The following RTL4 variants were observed in gnomAD, a reference collection of about 807,000 sequenced individuals.
RTL4 encodes the protein retrotransposon Gag-like protein 4.
In RTL4, 4 loss-of-function variants were observed where a neutral mutation model predicts 5.3. The observed-to-expected ratio is 0.75, with a 90% CI of 0.37 to 1.72. The LOEUF (loss-of-function observed/expected upper bound fraction) is 1.72, where lower values mean the gene tolerates loss of function less well. Ranked by LOEUF, RTL4 falls within the 40% of genes most tolerant of loss-of-function variation. RTL4 has a pLI of 0.04. For missense variants in RTL4, 260 were observed against 227.1 expected (o/e 1.14, Z -0.93); for synonymous variants, 98 against 87.3 (o/e 1.12, Z -0.68).
the RTL4 span, among the ~76,000 whole-genome samples, chrX:112,419,628 A>ATATGTATATGTATATATATATTTACATAT: frequency 2.2e-4 from 2 of 9,213 alleles, no homozygotes; most frequent in African/African-American, 3.3e-4. Flanking sequence ...TATATATTTA[A>ATATGTATATGTATATATATATTTACATAT]GTATGTAAAT....
At chrX:112,212,183 T>C in the RTL4 span, among the ~76,000 whole-genome samples, 2 of 111,603 alleles carry the variant, frequency 1.8e-5, no homozygotes, top group Non-Finnish European at 3.8e-5. Flanking sequence ...AAGACCATCC[T>C]GGCGAACACG....
the RTL4 span, among the ~76,000 whole-genome samples, chrX:112,330,462 C>A: frequency 9.1e-6 from 1 of 110,092 alleles, no homozygotes; most frequent in African/African-American, 3.3e-5. Context: ...ATGTGAAGGA[C>A]CTCTTCAGGG....
the RTL4 span, among the ~76,000 whole-genome samples, chrX:112,182,950 G>C: frequency 4.5e-5 from 5 of 112,232 alleles, no homozygotes; most frequent in African/African-American, 1.3e-4. Context: ...AAGCCCATCA[G>C]ACTAACAGCG....
chrX:112,292,392 C>A, the RTL4 span, among the ~76,000 whole-genome samples: 7 of 111,887 alleles, frequency 6.3e-5, no homozygotes, highest in Non-Finnish European at 1.1e-4. Context: ...CGCTTCTCAT[C>A]AAATTAAGAG....
At chrX:112,378,588 C>T in the RTL4 span, among the ~76,000 whole-genome samples, 114 of 111,705 alleles carry the variant, frequency 1.0e-3, no homozygotes, top group East Asian at 0.014. Flanking sequence ...TTTTGAATCA[C>T]ATATTAAAGC....
the RTL4 span, among the ~76,000 whole-genome samples, chrX:112,251,122 G>T: frequency 1.8e-5 from 2 of 111,756 alleles, no homozygotes; most frequent in African/African-American, 6.5e-5. Context: ...CTTCATTTGG[G>T]GATGCTCCCT....
chrX:112,184,192 G>A, the RTL4 span, among the ~76,000 whole-genome samples: 3 of 90,046 alleles, frequency 3.3e-5, no homozygotes, highest in Non-Finnish European at 6.6e-5. Flanking sequence ...TCACACACCA[G>A]GGCCTGTTAT....
chrX:112,252,124 T>C, the RTL4 span, among the ~76,000 whole-genome samples: 1 of 112,067 alleles, frequency 8.9e-6, no homozygotes, highest in Non-Finnish European at 1.9e-5. Context: ...CTCAGTGAAA[T>C]TAAATCAATC....
chrX:112,241,761 G>C, the RTL4 span, among the ~76,000 whole-genome samples: 2 of 111,856 alleles, frequency 1.8e-5, no homozygotes, highest in Non-Finnish European at 3.8e-5. Context: ...CAGTCATGAA[G>C]TCCTTGCCCA....
chrX:112,444,427 G>A, the RTL4 span, among the ~76,000 whole-genome samples: 1 of 111,470 alleles, frequency 9.0e-6, no homozygotes, highest in African/African-American at 3.3e-5. Context: ...GCTATTCTGG[G>A]TCTTTTGTGG....
At chrX:112,441,100 T>C in the RTL4 span, among the ~76,000 whole-genome samples, 1 of 111,637 alleles carries the variant, frequency 9.0e-6, no homozygotes, top group Admixed American at 9.6e-5. Context: ...AACCAGAATT[T>C]ATCTGGTGCA....
the RTL4 span, among the ~76,000 whole-genome samples, chrX:112,196,024 C>T: frequency 5.4e-5 from 6 of 111,403 alleles, no homozygotes; most frequent in African/African-American, 9.8e-5. Context: ...TAACATCTTG[C>T]AGTCTATTGT....
At chrX:112,152,345 A>C in the RTL4 span, among the ~76,000 whole-genome samples, 1 of 112,103 alleles carries the variant, frequency 8.9e-6, no homozygotes, top group Non-Finnish European at 1.9e-5. Context: ...GTGGACTTTG[A>C]AAAGCATTTC....
At chrX:112,283,980 C>T in the RTL4 span, among the ~76,000 whole-genome samples, 81 of 109,581 alleles carry the variant, frequency 7.4e-4, no homozygotes, top group African/African-American at 2.4e-3. Context: ...GAAATAATGC[C>T]ATATTTTGTT....
exon 1 of RTL4, chrX:112,455,742 A>T: frequency 1.1e-6 from 1 of 934,205 alleles, no homozygotes; most frequent in Non-Finnish European, 1.5e-6. Context: ...TAAAATACAG[A>T]TGGGGAACTG....
At chrX:112,446,817 C>A in the RTL4 span, among the ~76,000 whole-genome samples, 15 of 111,594 alleles carry the variant, frequency 1.3e-4, no homozygotes, top group African/African-American at 4.9e-4. Flanking sequence ...CATTGCACTT[C>A]ACCTAGGCAA....
At chrX:112,380,490 A>G in the RTL4 span, among the ~76,000 whole-genome samples, 2 of 111,804 alleles carry the variant, frequency 1.8e-5, no homozygotes. Context: ...AAAGAGTAGT[A>G]TTTCATTATA....
At chrX:112,291,781 G>A in the RTL4 span, among the ~76,000 whole-genome samples, 24 of 110,556 alleles carry the variant, frequency 2.2e-4, no homozygotes, top group Non-Finnish European at 4.0e-4. Context: ...ATTTTTAGTA[G>A]AGACGGGGTT....
the RTL4 span, among the ~76,000 whole-genome samples, chrX:112,086,716 A>T: frequency 8.9e-6 from 1 of 112,350 alleles, no homozygotes; most frequent in Non-Finnish European, 1.9e-5. Context: ...CATGTCACTT[A>T]TAAAGACTAA....
Sources: gnomAD v4.1 joint callset for allele counts (sites outside exome capture counted in the v4.1 genomes callset) on GRCh38, gnomAD v4.1.1 for gene constraint, MANE v1.5 for transcripts, NCBI Gene and HGNC (gene_info 2026-07-23, HGNC 2026-07-21) for gene names.